The following KCNQ5 variants were observed in gnomAD, a reference collection of about 807,000 sequenced individuals.
KCNQ5 encodes potassium voltage-gated channel subfamily KQT member 5.
In KCNQ5, 30 loss-of-function variants were observed where a neutral mutation model predicts 98.2. That is an observed-to-expected ratio of 0.31 (90% CI 0.23 to 0.41). The LOEUF (loss-of-function observed/expected upper bound fraction) is 0.41, where lower values mean the gene tolerates loss of function less well. Ranked by LOEUF, KCNQ5 falls within the 10% of genes least tolerant of loss-of-function variation. The pLI, the probability that KCNQ5 is intolerant of heterozygous loss-of-function variation, is 1.00. For missense variants in KCNQ5, 835 were observed against 1,182.5 expected (o/e 0.71, Z 4.31); for synonymous variants, 458 against 449.4 (o/e 1.02, Z -0.24).
Position 73,133,416 on chromosome 6 carries a change from C to T in KCNQ5, c.1248-5C>T, listed in dbSNP as rs373408647. On this transcript the variant is annotated splice_polypyrimidine_tract_variant and splice_region_variant and intron_variant, in intron 9 of 13. Transcript: ENST00000370398. ...ATGGAATAATCATGCCTCTGTTCTC[C>T]ACAGTCAGAAGCTAAGTTTTAAGGA... 29 of 1,613,364 alleles carry T rather than the reference C, an allele frequency of 1.8e-5. No homozygotes were observed. The highest frequency in any genetic ancestry group is 8.0e-5 in the African/African-American group (6 of 74,892).
intron 1 of KCNQ5, among the ~76,000 whole-genome samples, chr6:72,877,702 T>C (rs1234155709): frequency 6.6e-6 from 1 of 152,206 alleles, no homozygotes; most frequent in Non-Finnish European, 1.5e-5. Flanking sequence ...AGCGTTCCTA[T>C]TTCTCCACAT....
At chr6:72,987,591 CAGCCTGCAGCAG>C in intron 1 of KCNQ5, 1 of 608,898 alleles carries the variant, frequency 1.6e-6, no homozygotes, top group Non-Finnish European at 3.0e-6. Context: ...AGGCGGCCGA[CAGCCTGCAGCAG>C]AACCTGCAGC....
chr6:72,718,971 A>C (rs1176878950), intron 1 of KCNQ5, among the ~76,000 whole-genome samples: 1 of 152,200 alleles, frequency 6.6e-6, no homozygotes. Flanking sequence ...TGGATATAAA[A>C]TGCTGTCAAT....
intron 1 of KCNQ5, among the ~76,000 whole-genome samples, chr6:72,787,367 T>TG (rs35188657): frequency 6.6e-6 from 1 of 152,182 alleles, no homozygotes; most frequent in Non-Finnish European, 1.5e-5. Flanking sequence ...AGAGACCATA[T>TG]GGCCCACAAA....
At chr6:72,894,556 G>T (rs1779172702) in intron 1 of KCNQ5, among the ~76,000 whole-genome samples, 1 of 152,166 alleles carries the variant, frequency 6.6e-6, no homozygotes, top group Admixed American at 6.5e-5. Flanking sequence ...AATACTAAGA[G>T]GTGAAGAAAA....
intron 1 of KCNQ5, among the ~76,000 whole-genome samples, chr6:72,773,580 A>G (rs1239521759): frequency 1.3e-5 from 2 of 152,188 alleles, no homozygotes; most frequent in African/African-American, 4.8e-5. Flanking sequence ...CTGCACATGT[A>G]TCCCAGAACT....
At chr6:72,937,659 T>G (rs1156491350) in intron 1 of KCNQ5, among the ~76,000 whole-genome samples, 2 of 152,108 alleles carry the variant, frequency 1.3e-5, no homozygotes, top group Non-Finnish European at 2.9e-5. Context: ...CACAAAGAAG[T>G]CCTCAGAAAG....
intron 1 of KCNQ5, among the ~76,000 whole-genome samples, chr6:72,820,361 G>A (rs781726024): frequency 6.6e-6 from 1 of 152,146 alleles, no homozygotes; most frequent in Non-Finnish European, 1.5e-5. Context: ...TCAGGATGAC[G>A]AAGTGTGTGC....
intron 1 of KCNQ5, among the ~76,000 whole-genome samples, chr6:72,795,638 G>A (rs1774289160): frequency 1.3e-5 from 2 of 152,050 alleles, no homozygotes; most frequent in South Asian, 4.2e-4. Context: ...AATACTAGGT[G>A]GGAGTAATAT....
intron 1 of KCNQ5, among the ~76,000 whole-genome samples, chr6:72,632,806 ATT>A (rs56738584): frequency 2.0e-5 from 3 of 146,380 alleles, no homozygotes; most frequent in Middle Eastern, 3.5e-3. Flanking sequence ...TATATGTACC[ATT>A]TTTTTTTTTT....
intron 2 of KCNQ5, among the ~76,000 whole-genome samples, chr6:73,018,294 T>C (rs1023420451): frequency 4.6e-5 from 7 of 152,026 alleles, no homozygotes; most frequent in Non-Finnish European, 7.4e-5. Context: ...CGGTGGAGAA[T>C]TGGATGCCCA....
Position 72,966,405 on chromosome 6 carries a change from CA to C in KCNQ5, c.399-37489del, listed in dbSNP as rs534190653. 6.1e-3 allele frequency among the ~76,000 whole-genome samples: 789 copies of C among 128,928 alleles called. 2 individuals are homozygous for C. The highest frequency in any genetic ancestry group is 8.4e-3 in the African/African-American group (309 of 36,696). The allele number at this position is 128,928 out of a possible 152,430, so 84.6% of individuals were successfully genotyped here. On this transcript the variant is annotated intron_variant, in intron 1 of 13. Coordinates refer to ENST00000370398, the MANE Select transcript of KCNQ5 (RefSeq NM_019842.4). ...GAAACCCTGTCTCTATTAAAAATAACAAAAAAAAAAAAAATAGTTGGGCATG... is the reference window on the plus strand; with the variant it reads ...GAAACCCTGTCTCTATTAAAAATAACAAAAAAAAAAAAATAGTTGGGCATG...
At chr6:72,938,554 AT>A (rs35080104) in intron 1 of KCNQ5, among the ~76,000 whole-genome samples, 143,948 of 150,960 alleles carry the variant, frequency 0.95, 68,926 homozygotes, top group Non-Finnish European at 1. Context: ...TAATTCTTGT[AT>A]TTTTTTTTTA....
At chr6:72,902,932 G>T (rs150944137) in intron 1 of KCNQ5, among the ~76,000 whole-genome samples, 1 of 151,762 alleles carries the variant, frequency 6.6e-6, no homozygotes, top group African/African-American at 2.4e-5. Flanking sequence ...TTTGAGTGTC[G>T]GGTAGAAATC....
intron 2 of KCNQ5, among the ~76,000 whole-genome samples, chr6:73,021,211 C>T (rs1395798645): frequency 2.6e-5 from 4 of 152,130 alleles, no homozygotes; most frequent in East Asian, 1.9e-4. Context: ...TGGTCTATAA[C>T]GGTGTTCATC....
intron 1 of KCNQ5, among the ~76,000 whole-genome samples, chr6:72,822,979 T>C (rs2150115604): frequency 6.6e-6 from 1 of 152,284 alleles, no homozygotes; most frequent in East Asian, 1.9e-4. Flanking sequence ...GCTTCCTTTT[T>C]ACGAGGATCA....
chr6:72,832,131 A>G (rs1359189294), intron 1 of KCNQ5, among the ~76,000 whole-genome samples: 1 of 152,160 alleles, frequency 6.6e-6, no homozygotes. Context: ...TCTGGACTAA[A>G]GATGCATATT....
intron 10 of KCNQ5, among the ~76,000 whole-genome samples, chr6:73,159,801 C>CT (rs1463210939): frequency 6.6e-6 from 1 of 151,952 alleles, no homozygotes; most frequent in African/African-American, 2.4e-5. Context: ...GATATTAAGC[C>CT]TTTTTTATAT....
intron 2 of KCNQ5, among the ~76,000 whole-genome samples, chr6:73,032,798 A>G (rs543126578): frequency 6.6e-6 from 1 of 151,250 alleles, no homozygotes; most frequent in South Asian, 2.1e-4. Flanking sequence ...AAACCAATTA[A>G]GGTATAAATA....
Sources: gnomAD v4.1 joint callset for allele counts (sites outside exome capture counted in the v4.1 genomes callset) on GRCh38, gnomAD v4.1.1 for gene constraint, MANE v1.5 for transcripts, NCBI Gene and HGNC (gene_info 2026-07-23, HGNC 2026-07-21) for gene names.